The following RAB42 variants were observed in gnomAD, a reference collection of about 807,000 sequenced individuals.
RAB42 encodes ras-related protein Rab-42.
Under a neutral mutation model 7.5 loss-of-function variants are expected in RAB42, and 4 were observed. The ratio of observed to expected loss-of-function variants is 0.53; its 90% CI spans 0.26 to 1.22. The LOEUF (loss-of-function observed/expected upper bound fraction) is 1.22, where lower values mean the gene tolerates loss of function less well. Ranked by LOEUF, RAB42 falls within the 50% of genes most tolerant of loss-of-function variation. The pLI is 0.13. For missense variants in RAB42, 208 were observed against 281.2 expected (o/e 0.74, Z 1.86); for synonymous variants, 82 against 129.0 (o/e 0.64, Z 2.47).
At position 28,592,382 on chromosome 1, in the gene RAB42, C is replaced by A. The variant is rs1666329227; in HGVS notation, c.-130C>A. 1 of 269,924 alleles carries A rather than the reference C, an allele frequency of 3.7e-6. No individual in the cohort carries two copies. Among genetic ancestry groups the A allele is most frequent in the Non-Finnish European group, 6.3e-6 (1 of 158,368 alleles). 16.7% of individuals were successfully genotyped at this position (269,924 alleles called of 1,614,324 possible). ...CCAGGAGTTTCCACTCGGTCCGACG[C>A]CCTCGGTGCCCCGCCGGGTACGGTG... On this transcript the variant is annotated 5_prime_UTR_variant, in exon 1 of 2. Transcript: ENST00000465518. The surrounding 1 kb of genome is among the most constrained non-coding windows in gnomAD (Gnocchi z 4.1).
downstream of RAB42, among the ~76,000 whole-genome samples, chr1:28,596,009 AACATGAGACTG>A (rs1315442172): frequency 2.0e-5 from 3 of 152,302 alleles, no homozygotes; most frequent in African/African-American, 7.2e-5. Context: ...CTCAGTCAGT[AACATGAGACTG>A]ATAATCCCTC....
rs889776247 is a variant in RAB42 at position 28,592,876 on chromosome 1, G to C, written c.233+132G>C. The C allele has an allele frequency of 4.9e-6, 2 of 405,024 alleles. No individual in the cohort carries two copies. The highest frequency in any genetic ancestry group is 4.1e-5 in the African/African-American group (2 of 48,450). 25.1% of individuals were successfully genotyped at this position (405,024 alleles called of 1,614,324 possible). ...GAGGTCCCTGCCCTGGGTCCCGCCC[G>C]GTCCACTGGGGCCAGAACCTCCCCT... On this transcript the variant is annotated intron_variant, in intron 1 of 1. Coordinates refer to ENST00000465518, the MANE Select transcript of RAB42 (RefSeq NM_001193532.3). This position sits in a 1 kb window ranked among gnomAD's most constrained non-coding sequence, Gnocchi z 4.1.
rs147843526 is a variant in RAB42 at position 28,593,852 on chromosome 1, G to C, written c.392G>C (p.Ser131Thr). The C allele has an allele frequency of 5.9e-4, 943 of 1,592,426 alleles. 6 individuals carry two copies. The African/African-American group carries it at 0.012, about 20-fold the overall frequency. ...ATCTTCCTGCTGGTTGGCCACAAGA[G>C]TGACCTGCAGAGCACCCGCTGTGTC... ...KVIFLLVGHK[S>T]DLQSTRCVSA... Residue 131 changes from serine to threonine, a missense_variant, in exon 2 of 2, where the codon AGT (serine) becomes ACT (threonine). Coordinates refer to ENST00000465518, the MANE Select transcript of RAB42 (RefSeq NM_001193532.3).
At position 28,593,736 on chromosome 1, in the gene RAB42, G is replaced by T. The variant is rs1395816175; in HGVS notation, c.276G>T (p.Leu92=). 12 of 1,544,598 alleles carry T rather than the reference G, an allele frequency of 7.8e-6. No individual in the cohort carries two copies. The highest frequency in any genetic ancestry group is 8.8e-7 in the Non-Finnish European group (1 of 1,142,812). ...TTTACCGGAATGTGGTGGGTGTCCT[G>T]CTGGTCTTTGATGTGACAAACAGGA... ...RSFYRNVVGV[L]LVFDVTNRKS... The change falls in exon 2 of 2, where the codon CTG becomes CTT. Residue 92 remains leucine, a synonymous_variant. Coordinates refer to ENST00000465518, the MANE Select transcript of RAB42 (RefSeq NM_001193532.3).
Position 28,592,628 on chromosome 1 carries a change from G to A in RAB42, c.117G>A (p.Pro39=), listed in dbSNP as rs535392595. Residue 39 remains proline (P), a synonymous_variant, in exon 1 of 2, where the codon CCG becomes CCA. Transcript: ENST00000465518. This position sits in a 1 kb window ranked among gnomAD's most constrained non-coding sequence, Gnocchi z 4.1. ...CAGGCGCGCCTGGCGCCCCGGAGCC[G>A]GAGCCCGAGCCCGAGCCCACGGTGG... ...YVAGAPGAPE[P]EPEPEPTVGA... The A allele has an allele frequency of 3.3e-6, 4 of 1,224,186 alleles. No individual in the cohort carries two copies. The highest frequency in any genetic ancestry group is 4.1e-5 in the South Asian group (1 of 24,272). The allele number at this position is 1,224,186 out of a possible 1,614,324, so 75.8% of individuals were successfully genotyped here.
At chr1:28,593,593 A>T in intron 1 of RAB42, 101 bp from the exon 2 acceptor site, 1 of 1,267,546 alleles carries the variant, frequency 7.9e-7, no homozygotes, top group Non-Finnish European at 1.1e-6. Flanking sequence ...TTGGGGTGTG[A>T]GGCATTCTGT....
At chr1:28,595,849 C>T (rs1489120254), downstream of RAB42, among the ~76,000 whole-genome samples, 1 of 151,902 alleles carries the variant, frequency 6.6e-6, no homozygotes, top group African/African-American at 2.4e-5. Flanking sequence ...GAGGTTGCAG[C>T]GAGCCACGAT....
intron 1 of RAB42, among the ~76,000 whole-genome samples, chr1:28,593,209 CTT>C (rs1233543124): frequency 6.9e-6 from 1 of 145,524 alleles, no homozygotes. Context: ...TTTTTCTTTT[CTT>C]TTTTTTTTTT....
chr1:28,595,863 G>A (rs1666425195), downstream of RAB42, among the ~76,000 whole-genome samples: 1 of 152,092 alleles, frequency 6.6e-6, no homozygotes, highest in South Asian at 2.1e-4. Context: ...CCACGATCCC[G>A]CCACTGCACT....
At position 28,594,439 on chromosome 1, in the gene RAB42, G is replaced by T; in HGVS notation, c.*322G>T. On this transcript the variant is annotated 3_prime_UTR_variant, in exon 2 of 2. Transcript: ENST00000465518. ...AAAATACAAAAATTAGCCAGGCGTG[G>T]TGGTGCATGCCTGTAATCCCAGTTA... 1 of 240,320 alleles carries T rather than the reference G, an allele frequency of 4.2e-6. No homozygotes were observed. Among genetic ancestry groups the T allele is most frequent in the Non-Finnish European group, 8.3e-6 (1 of 120,704 alleles). The allele number at this position is 240,320 out of a possible 1,614,324, so 14.9% of individuals were successfully genotyped here.
chr1:28,596,348 G>A (rs1666433208), downstream of RAB42, among the ~76,000 whole-genome samples: 1 of 152,166 alleles, frequency 6.6e-6, no homozygotes, highest in Non-Finnish European at 1.5e-5. Context: ...TTGGCTGGAT[G>A]TGGTGGCTCA....
At chr1:28,593,100 A>G (rs961997107) in intron 1 of RAB42, among the ~76,000 whole-genome samples, 4 of 152,120 alleles carry the variant, frequency 2.6e-5, no homozygotes, top group African/African-American at 9.7e-5. Context: ...TGCCAGGAAG[A>G]GAACAGAGGA....
rs1006566543 is a variant in RAB42 at position 28,592,425 on chromosome 1, G to T, written c.-87G>T. 3.5e-6 allele frequency: 2 copies of T among 574,988 alleles called. No homozygotes were observed. The highest frequency in any genetic ancestry group is 4.7e-6 in the Non-Finnish European group (2 of 429,452). The allele number at this position is 574,988 out of a possible 1,614,324, so 35.6% of individuals were successfully genotyped here. A position where few individuals can be genotyped will look rare whatever the true frequency, so the allele number is the denominator to read the frequency against. ...GTACGGTGGCTGGGCGCGGGGAGCG[G>T]GGGGCGGCGCCGGCGGGGCCCCGGG... On this transcript the variant is annotated 5_prime_UTR_variant, in exon 1 of 2. Transcript: ENST00000465518. The surrounding 1 kb of genome is among the most constrained non-coding windows in gnomAD (Gnocchi z 4.1).
In RAB42 at chr1:28,594,256, TG is replaced by T; in HGVS notation, c.*141del. 1.1e-6 allele frequency: 1 copy of T among 909,984 alleles called. No individual in the cohort carries two copies. Among genetic ancestry groups the T allele is most frequent in the Non-Finnish European group, 1.6e-6 (1 of 621,132 alleles). The allele number at this position is 909,984 out of a possible 1,614,324, so 56.4% of individuals were successfully genotyped here. A position where few individuals can be genotyped will look rare whatever the true frequency, so the allele number is the denominator to read the frequency against. Reference sequence around the variant, plus strand: ...TGACACAGTCATGCTTCCTGGATTTTGGAGTCGAGGCTTTCTACAGAAAAGA... The same window carrying T: ...TGACACAGTCATGCTTCCTGGATTTTGAGTCGAGGCTTTCTACAGAAAAGA... On this transcript the variant is annotated 3_prime_UTR_variant, in exon 2 of 2. Transcript: ENST00000465518.
In RAB42 at chr1:28,594,016, A is replaced by G; in HGVS notation, c.556A>G (p.Ile186Val). 1 of 1,613,928 alleles carries G rather than the reference A, an allele frequency of 6.2e-7. No homozygotes were observed. Among genetic ancestry groups the G allele is most frequent in the Non-Finnish European group, 8.5e-7 (1 of 1,179,864 alleles). ...AIQQALQQGD[I>V]KLEEGWGGVR... is the part of the protein sequence containing the mutation. ...CCAGCAGGCCCTGCAGCAGGGGGAC[A>G]TCAAGCTAGAAGAGGGCTGGGGGGG... The change falls in exon 2 of 2, where the codon ATC becomes GTC. Residue 186 changes from isoleucine to valine, a missense_variant. Ile to Val is a conservative substitution (Grantham distance 29). Transcript: ENST00000465518.
At position 28,593,979 on chromosome 1, in the gene RAB42, C is replaced by T. The variant is rs1486230156; in HGVS notation, c.519C>T (p.Leu173=). ...NCNVDLAFDT[L]ADAIQQALQQ... Reference sequence around the variant, plus strand: ...ATGTGGACCTGGCCTTTGACACCCTCGCTGATGCTATCCAGCAGGCCCTGC... The same window carrying T: ...ATGTGGACCTGGCCTTTGACACCCTTGCTGATGCTATCCAGCAGGCCCTGC... Residue 173 remains leucine (L), a synonymous_variant, in exon 2 of 2, where the codon CTC becomes CTT. Coordinates refer to ENST00000465518, the MANE Select transcript of RAB42 (RefSeq NM_001193532.3). 1.2e-5 allele frequency: 20 copies of T among 1,613,818 alleles called. No individual in the cohort carries two copies. Among genetic ancestry groups the T allele is most frequent in the African/African-American group, 6.7e-5 (5 of 74,910 alleles).
Position 28,594,993 on chromosome 1 carries a change from G to GC in RAB42, c.*883dup, listed in dbSNP as rs1383927351. ...GTCAAACCCAGGGTTGCTGGCCAATGCCCCCCCGACCAGGCCCAGGGGCTG... is the reference window on the plus strand; with the variant it reads ...GTCAAACCCAGGGTTGCTGGCCAATGCCCCCCCCGACCAGGCCCAGGGGCTG... On this transcript the variant is annotated 3_prime_UTR_variant, in exon 2 of 2. Transcript: ENST00000465518. 8 of 167,072 alleles carry GC rather than the reference G, an allele frequency of 4.8e-5. No homozygotes were observed. The highest frequency in any genetic ancestry group is 7.3e-5 in the Non-Finnish European group (5 of 68,206). The allele number at this position is 167,072 out of a possible 1,614,324, so 10.3% of individuals were successfully genotyped here.
downstream of RAB42, among the ~76,000 whole-genome samples, chr1:28,596,632 TAAATAA>T (rs1424911737): frequency 7.2e-5 from 11 of 151,936 alleles, no homozygotes; most frequent in African/African-American, 2.7e-4. Flanking sequence ...AAAAAACAAA[TAAATAA>T]AAATAAAATA....
intron 1 of RAB42, 23 bp from the exon 2 acceptor site, chr1:28,593,671 T>G (rs1205229949): frequency 1.3e-6 from 2 of 1,517,364 alleles, no homozygotes; most frequent in African/African-American, 2.8e-5. Context: ...CCAGCTTACC[T>G]TTCCACCTCC....
Sources: allele counts gnomAD v4.1 joint callset (sites outside exome capture counted in the v4.1 genomes callset), GRCh38; gene constraint gnomAD v4.1.1; non-coding constraint Gnocchi (gnomAD v3.1); transcripts MANE v1.5; gene names NCBI Gene and HGNC (gene_info 2026-07-23, HGNC 2026-07-21).